AGMO: variants seen among roughly 807,000 people sequenced by gnomAD.
AGMO encodes alkylglycerol monooxygenase.
A neutral mutation model predicts 60.2 loss-of-function variants in AGMO; 75 were observed. The observed-to-expected ratio is 1.25, with a 90% CI of 1.03 to 1.51. The LOEUF (loss-of-function observed/expected upper bound fraction) is 1.51, where lower values mean the gene tolerates loss of function less well. Among genes scored for constraint, AGMO ranks in the 40% most tolerant of loss-of-function variants. AGMO has a pLI of 0.00. For missense variants in AGMO, 763 were observed against 525.5 expected, an observed-to-expected ratio of 1.45 and a Z score of -4.42; for synonymous variants, 261 against 177.1, an observed-to-expected ratio of 1.47 and a Z score of -3.76.
intron 3 of AGMO, among the ~76,000 whole-genome samples, chr7:15,542,396 AAT>A (rs1784652660): frequency 6.6e-6 from 1 of 152,260 alleles, no homozygotes; most frequent in South Asian, 2.1e-4. Flanking sequence ...CCACATTTTT[AAT>A]ATGTTATTTT....
downstream of AGMO, among the ~76,000 whole-genome samples, chr7:15,196,916 C>CAT (rs1781131479): frequency 6.6e-6 from 1 of 152,096 alleles, no homozygotes; most frequent in Non-Finnish European, 1.5e-5. Context: ...AAGAGATAAA[C>CAT]ATCAATGCTT....
chr7:15,320,491 T>TA (rs1420164215), intron 12 of AGMO, among the ~76,000 whole-genome samples: 2 of 152,076 alleles, frequency 1.3e-5, no homozygotes, highest in African/African-American at 4.8e-5. Flanking sequence ...ACAAAAAAGT[T>TA]AAAAAAGAAC....
At chr7:15,123,690 C>A in the AGMO span, among the ~76,000 whole-genome samples, 968 of 151,964 alleles carry the variant, frequency 6.4e-3, 9 homozygotes, top group African/African-American at 0.022. Context: ...AATTAGAAAT[C>A]ATAAACTAAG....
intron 12 of AGMO, among the ~76,000 whole-genome samples, chr7:15,306,742 T>A: frequency 6.6e-6 from 1 of 152,058 alleles, no homozygotes; most frequent in East Asian, 1.9e-4. Context: ...CTAGTTCTTA[T>A]AGGCTGAGGA....
chr7:15,217,286 T>A (rs1781768637), intron 12 of AGMO, among the ~76,000 whole-genome samples: 1 of 152,100 alleles, frequency 6.6e-6, no homozygotes, highest in Non-Finnish European at 1.5e-5. Flanking sequence ...AGCCCAGGGA[T>A]ATTGACAATC....
At chr7:15,295,795 G>C (rs1438927192) in intron 12 of AGMO, among the ~76,000 whole-genome samples, 1 of 152,000 alleles carries the variant, frequency 6.6e-6, no homozygotes, top group African/African-American at 2.4e-5. Context: ...CAGAATTAGA[G>C]AAATAGCTTT....
Position 15,459,221 on chromosome 7 carries a change from A to T in AGMO, c.410-28113T>A, listed in dbSNP as rs79015086. Among the ~76,000 whole-genome samples the T allele has an allele frequency of 9.8e-4, 150 of 152,340 alleles. 2 individuals carry two copies. In the East Asian group the frequency reaches 0.028, roughly 28 times the overall value. The stretch of plus-strand genomic sequence containing the variant: ...TTGATTGATTTAGTTAAGCCAATTC[A>T]AATAAAATCACCCAATGAGTTGTTT... On this transcript the variant is annotated intron_variant, in intron 3 of 12. Transcript: ENST00000342526.
At chr7:15,134,005 T>C in the AGMO span, among the ~76,000 whole-genome samples, 1 of 152,188 alleles carries the variant, frequency 6.6e-6, no homozygotes, top group Non-Finnish European at 1.5e-5. Context: ...ATATCATAAA[T>C]ACCATCGAGA....
intron 12 of AGMO, among the ~76,000 whole-genome samples, chr7:15,210,111 A>G (rs80074400): frequency 0.014 from 2,158 of 152,276 alleles, 50 homozygotes; most frequent in African/African-American, 0.045. Context: ...CAAATGATAC[A>G]GAGTATTGGA....
chr7:15,381,282 C>CA (rs1482324067), intron 10 of AGMO, among the ~76,000 whole-genome samples: 1 of 151,836 alleles, frequency 6.6e-6, no homozygotes, highest in Non-Finnish European at 1.5e-5. Flanking sequence ...ACTATGCATC[C>CA]AACAAAGGTA....
intron 12 of AGMO, among the ~76,000 whole-genome samples, chr7:15,356,299 C>T (rs1460710169): frequency 6.6e-6 from 1 of 151,970 alleles, no homozygotes; most frequent in Non-Finnish European, 1.5e-5. Flanking sequence ...GAAACAAACA[C>T]TAGAGAATAG....
At chr7:15,383,880 C>CATGGAAGAGA (rs1783799795) in intron 10 of AGMO, among the ~76,000 whole-genome samples, 1 of 151,620 alleles carries the variant, frequency 6.6e-6, no homozygotes, top group African/African-American at 2.4e-5. Context: ...TGTTTTTAAT[C>CATGGAAGAGA]TGTTTATGTA....
chr7:15,512,282 A>G (rs1442349856), intron 3 of AGMO, among the ~76,000 whole-genome samples: 2 of 152,034 alleles, frequency 1.3e-5, no homozygotes, highest in Non-Finnish European at 2.9e-5. Flanking sequence ...TTTAGACATG[A>G]TCTCACTCTG....
intron 12 of AGMO, among the ~76,000 whole-genome samples, chr7:15,328,424 G>A (rs1781410834): frequency 6.6e-6 from 1 of 152,140 alleles, no homozygotes; most frequent in Non-Finnish European, 1.5e-5. Flanking sequence ...AATAATTGAG[G>A]CTAAGTAAGG....
intron 12 of AGMO, among the ~76,000 whole-genome samples, chr7:15,297,627 T>G (rs1784442440): frequency 2.0e-5 from 3 of 152,184 alleles, no homozygotes; most frequent in Admixed American, 2.0e-4. Flanking sequence ...CTAACTAGCT[T>G]AATCCTTTTC....
intron 12 of AGMO, among the ~76,000 whole-genome samples, chr7:15,346,891 T>G (rs1361130044): frequency 1.3e-5 from 2 of 152,006 alleles, no homozygotes; most frequent in Non-Finnish European, 2.9e-5. Context: ...TTATATTTTA[T>G]GTATATTTAT....
intron 12 of AGMO, among the ~76,000 whole-genome samples, chr7:15,253,711 TTC>T (rs1783013907): frequency 6.6e-6 from 1 of 152,086 alleles, no homozygotes; most frequent in Non-Finnish European, 1.5e-5. Flanking sequence ...ATACTGAAAA[TTC>T]TCTCTTCTAG....
In AGMO at chr7:15,399,103, T is replaced by C. The variant is rs544674372; in HGVS notation, c.610-4924A>G. ...ACCTCCCCATATGGTATTTTAGGGA[T>C]TTTTGCTGCTCCTTTGGTCTCTGAA... On this transcript the variant is annotated intron_variant, in intron 5 of 12. Coordinates refer to ENST00000342526, the MANE Select transcript of AGMO (RefSeq NM_001004320.2). 3.9e-5 allele frequency among the ~76,000 whole-genome samples: 6 copies of C among 152,298 alleles called. No individual in the cohort carries two copies. In the East Asian group the frequency reaches 1.2e-3, roughly 29 times the overall value.
intron 3 of AGMO, among the ~76,000 whole-genome samples, chr7:15,511,517 G>C (rs1193983465): frequency 1.3e-5 from 2 of 152,190 alleles, no homozygotes; most frequent in Middle Eastern, 6.8e-3. Flanking sequence ...GATGGGCAAA[G>C]GGCACAAACT....
Sources: gnomAD v4.1 joint callset for allele counts (sites outside exome capture counted in the v4.1 genomes callset) on GRCh38, gnomAD v4.1.1 for gene constraint, MANE v1.5 for transcripts, NCBI Gene and HGNC (gene_info 2026-07-23, HGNC 2026-07-21) for gene names.